LTF: variants seen among roughly 807,000 people sequenced by gnomAD.
The protein encoded by LTF is lactotransferrin, also known as epididymis luminal protein 110.
LTF carries 91 observed loss-of-function variants against 87.2 expected under a neutral mutation model. That is an observed-to-expected ratio of 1.04 (90% CI 0.88 to 1.24). The LOEUF (loss-of-function observed/expected upper bound fraction) is 1.24. Among genes scored for constraint, LTF ranks in the 50% most tolerant of loss-of-function variants. LTF has a pLI of 0.00. For synonymous variants in LTF, 378 were observed against 356.1 expected, an observed-to-expected ratio of 1.06 and a Z score of -0.69; for missense variants, 901 against 904.3, an observed-to-expected ratio of 1.00 and a Z score of 0.05.
In LTF at chr3:46,448,931, C is replaced by T; in HGVS notation, c.1144G>A (p.Gly382Ser). ...QELRKCNQWS[G>S]LSEGSVTCSS... ...CAGGTCACGCTGCCTTCGCTCAAGC[C>T]ACTCCACTGGTTACACTTGCGCAGC... is the stretch of plus-strand genomic sequence containing the variant. The change falls in exon 9 of 17, where the codon GGC (glycine) becomes AGC (serine). Residue 382 changes from glycine to serine, a missense_variant. Gly to Ser is a moderately conservative substitution (Grantham distance 56, BLOSUM62 0). Transcript: ENST00000231751. 2.5e-6 allele frequency: 4 copies of T among 1,613,858 alleles called. No individual in the cohort carries two copies. Among genetic ancestry groups the T allele is most frequent in the Non-Finnish European group, 3.4e-6 (4 of 1,179,962 alleles).
intron 1 of LTF, 78 bp from the exon 2 acceptor site, chr3:46,459,897 C>A: frequency 9.5e-7 from 1 of 1,050,574 alleles, no homozygotes; most frequent in South Asian, 2.3e-5. Context: ...ATGGAGTTTT[C>A]CAGACTCCTC....
At position 46,449,789 on chromosome 3, in the gene LTF, G is replaced by A. The variant is rs567808757; in HGVS notation, c.1057+65C>T. ...AAAAGGAGTGACCGCCACAAAGTAG[G>A]GCCACCTGCTGGGAAGTAGAAGACC... On this transcript the variant is annotated intron_variant, in intron 8 of 16. Coordinates refer to ENST00000231751, the MANE Select transcript of LTF (RefSeq NM_002343.6). 3.5e-5 allele frequency: 55 copies of A among 1,569,864 alleles called. No individual in the cohort carries two copies. The African/African-American group carries it at 7.0e-4, about 20-fold the overall frequency.
rs151082261 is a variant in LTF at position 46,455,282 on chromosome 3, C to G, written c.647+13G>C. 104 of 1,614,186 alleles carry G rather than the reference C, an allele frequency of 6.4e-5. No individual in the cohort carries two copies. In the East Asian group the frequency reaches 1.7e-3, roughly 27 times the overall value. On this transcript the variant is annotated intron_variant, in intron 5 of 16. Transcript: ENST00000231751. ...CACTTGGCCACTGACGAGAAGGGGA[C>G]AGGGTCACTCACTTGAAGGCACCAG...
At chr3:46,475,719 C>T (rs1703352836) in intron 1 of LTF, among the ~76,000 whole-genome samples, 1 of 152,142 alleles carries the variant, frequency 6.6e-6, no homozygotes, top group South Asian at 2.1e-4. Context: ...AAAAAACTCT[C>T]ATATGGAGAA....
chr3:46,451,949 G>A (rs892632546), intron 6 of LTF, among the ~76,000 whole-genome samples: 1 of 152,278 alleles, frequency 6.6e-6, no homozygotes, highest in Non-Finnish European at 1.5e-5. Context: ...CTTACTAAAA[G>A]AAGAAAATGT....
chr3:46,480,568 C>A (rs977596743), intron 1 of LTF, among the ~76,000 whole-genome samples: 2 of 152,156 alleles, frequency 1.3e-5, no homozygotes, highest in Non-Finnish European at 2.9e-5. Flanking sequence ...CTGGGAATTT[C>A]AAATTAAAAC....
chr3:46,457,632 T>C (rs544756049), intron 2 of LTF, among the ~76,000 whole-genome samples: 2 of 152,368 alleles, frequency 1.3e-5, no homozygotes, highest in South Asian at 2.1e-4. Flanking sequence ...GTTATTACTA[T>C]AGAAAATGTG....
chr3:46,439,353 G>A lies in LTF; in HGVS notation c.1851C>T (p.Ala617=), dbSNP rs775207265. Residue 617 remains alanine (A), a synonymous_variant, in exon 15 of 17, where the codon GCC becomes GCT. Transcript: ENST00000231751. The part of the protein sequence containing the change: ...SCHLAMAPNH[A]VVSRMDKVER... ...CCACCTTATCCATCCGAGACACCAC[G>A]GCATGATTCGGGGCCATGGCAAGAT... 3.7e-5 allele frequency: 59 copies of A among 1,614,096 alleles called. No individual in the cohort carries two copies. The highest frequency in any genetic ancestry group is 1.6e-4 in the Middle Eastern group (1 of 6,082).
chr3:46,468,516 C>A (rs185543284), upstream of LTF, among the ~76,000 whole-genome samples: 1 of 152,212 alleles, frequency 6.6e-6, no homozygotes, highest in Non-Finnish European at 1.5e-5. Flanking sequence ...GGAGCCTTTA[C>A]AGAATTGCAG....
upstream of LTF, chr3:46,468,193 G>A (rs941693981): frequency 4.4e-6 from 2 of 456,652 alleles, no homozygotes; most frequent in Non-Finnish European, 4.4e-6. Flanking sequence ...GATAGTGAGG[G>A]TCAGGGCTGC....
intron 1 of LTF, among the ~76,000 whole-genome samples, chr3:46,472,611 G>T (rs936149443): frequency 2.7e-5 from 4 of 149,072 alleles, no homozygotes; most frequent in Non-Finnish European, 5.9e-5. Flanking sequence ...GCTCACAGCA[G>T]CCTCGAACTC....
At chr3:46,467,341 C>CA (rs551577890), upstream of LTF, among the ~76,000 whole-genome samples, 50 of 152,218 alleles carry the variant, frequency 3.3e-4, no homozygotes, top group Admixed American at 7.2e-4. Flanking sequence ...CACAGGAATG[C>CA]ACTTCTATCA....
At chr3:46,478,330 C>G (rs1184138579) in intron 1 of LTF, among the ~76,000 whole-genome samples, 7 of 152,208 alleles carry the variant, frequency 4.6e-5, no homozygotes, top group African/African-American at 9.7e-5. Context: ...CTCTCTCCCC[C>G]TCCAAGGGTC....
chr3:46,451,352 C>T (rs1702797775), intron 6 of LTF, among the ~76,000 whole-genome samples: 1 of 152,162 alleles, frequency 6.6e-6, no homozygotes, highest in African/African-American at 2.4e-5. Flanking sequence ...AACGTACTAA[C>T]TAACTCAATC....
intron 1 of LTF, among the ~76,000 whole-genome samples, chr3:46,471,591 G>T (rs1455346117): frequency 6.6e-6 from 1 of 152,206 alleles, no homozygotes; most frequent in African/African-American, 2.4e-5. Context: ...AGTGTGGGGA[G>T]CAGAGGAGGA....
intron 11 of LTF, among the ~76,000 whole-genome samples, chr3:46,445,909 C>T (rs1006753126): frequency 1.4e-4 from 21 of 152,232 alleles, no homozygotes; most frequent in African/African-American, 4.6e-4. Flanking sequence ...CTGAACCCAC[C>T]CTGCACTGGT....
rs373956800 is a variant in LTF at position 46,436,170 on chromosome 3, G to A, written c.*25C>T. ...GCAGTGAATGGCTGAGGCTTTCTTG[G>A]GGAGCTGGGCCATCTTCTTCGGTTT... is the stretch of plus-strand genomic sequence containing the variant. On this transcript the variant is annotated 3_prime_UTR_variant, in exon 17 of 17. Transcript: ENST00000231751. 4.6e-5 allele frequency: 74 copies of A among 1,613,852 alleles called. No individual in the cohort carries two copies. In the African/African-American group the frequency reaches 8.7e-4, roughly 19 times the overall value.
At chr3:46,473,163 G>A (rs976341174) in intron 1 of LTF, among the ~76,000 whole-genome samples, 1 of 151,988 alleles carries the variant, frequency 6.6e-6, no homozygotes, top group South Asian at 2.1e-4. Flanking sequence ...CCTTTCCTGA[G>A]GGAAACTTTC....
At chr3:46,443,379 A>G (rs912724279) in intron 13 of LTF, 62 bp downstream of exon 13, 112 of 1,591,298 alleles carry the variant, frequency 7.0e-5, no homozygotes, top group Non-Finnish European at 8.9e-5. Context: ...TAGAACTGCA[A>G]TGCTGACATG....
Sources: gnomAD v4.1 joint callset for allele counts (sites outside exome capture counted in the v4.1 genomes callset) on GRCh38, gnomAD v4.1.1 for gene constraint, MANE v1.5 for transcripts, NCBI Gene and HGNC (gene_info 2026-07-23, HGNC 2026-07-21) for gene names.